The following SFMBT2 variants were observed in gnomAD, a reference collection of about 807,000 sequenced individuals.
SFMBT2 encodes the protein scm-like with four MBT domains protein 2.
A neutral mutation model predicts 110.1 loss-of-function variants in SFMBT2; 38 were observed. The observed-to-expected ratio is 0.35, with a 90% CI of 0.27 to 0.45. The LOEUF (loss-of-function observed/expected upper bound fraction) is 0.45. Ranked by LOEUF, SFMBT2 falls within the 20% of genes least tolerant of loss-of-function variation. SFMBT2 has a pLI of 1.00. For synonymous variants in SFMBT2, 425 were observed against 425.4 expected (o/e 1.00, Z 0.01); for missense variants, 1,011 against 1,094.9 (o/e 0.92, Z 1.08).
At chr10:7,340,245 C>T (rs1348703500) in intron 4 of SFMBT2, among the ~76,000 whole-genome samples, 3 of 151,908 alleles carry the variant, frequency 2.0e-5, no homozygotes, top group South Asian at 2.1e-4. Flanking sequence ...TCAGTGGAAG[C>T]GGATGATCGT....
At chr10:7,327,490 G>GT (rs1564442186) in intron 4 of SFMBT2, among the ~76,000 whole-genome samples, 4 of 152,104 alleles carry the variant, frequency 2.6e-5, no homozygotes, top group Admixed American at 6.5e-5. Context: ...AGGCCAGCCT[G>GT]GCCAACATGG....
At chr10:7,402,856 T>C (rs1846115669) in intron 1 of SFMBT2, among the ~76,000 whole-genome samples, 1 of 152,226 alleles carries the variant, frequency 6.6e-6, no homozygotes, top group African/African-American at 2.4e-5. Context: ...AATGTCCTCA[T>C]CAGTGGCCAA....
chr10:7,356,050 C>A (rs529975313), intron 4 of SFMBT2, among the ~76,000 whole-genome samples: 1 of 152,300 alleles, frequency 6.6e-6, no homozygotes, highest in African/African-American at 2.4e-5. Context: ...GGACACAGGT[C>A]TTTTTTCCCA....
chr10:7,230,675 A>G (rs1840090568), intron 9 of SFMBT2, among the ~76,000 whole-genome samples: 1 of 152,200 alleles, frequency 6.6e-6, no homozygotes, highest in Non-Finnish European at 1.5e-5. Flanking sequence ...GCTCACACCC[A>G]TAATCCCAGC....
chr10:7,274,855 C>CAA (rs958558618), intron 7 of SFMBT2, among the ~76,000 whole-genome samples: 11 of 140,968 alleles, frequency 7.8e-5, no homozygotes, highest in Admixed American at 5.0e-4. Context: ...ACCGTTTCTC[C>CAA]AAAAAAAAAA....
At chr10:7,220,826 C>CTTTT (rs372894766) in intron 10 of SFMBT2, among the ~76,000 whole-genome samples, 1 of 146,280 alleles carries the variant, frequency 6.8e-6, no homozygotes, top group East Asian at 2.0e-4. Context: ...ACCCTTCCTT[C>CTTTT]TTTTTTTTTT....
chr10:7,174,984 A>C (rs1838006583), intron 17 of SFMBT2, among the ~76,000 whole-genome samples: 1 of 152,178 alleles, frequency 6.6e-6, no homozygotes. Flanking sequence ...AAACACACTG[A>C]GAGATAATAA....
chr10:7,233,009 TAGG>T (rs943545486), intron 9 of SFMBT2, among the ~76,000 whole-genome samples: 2 of 152,082 alleles, frequency 1.3e-5, no homozygotes, highest in Admixed American at 1.3e-4. Flanking sequence ...TTAAGATGGG[TAGG>T]AGAAGGGTTT....
intron 11 of SFMBT2, chr10:7,214,729 C>G: frequency 1.0e-6 from 1 of 985,484 alleles, no homozygotes. Context: ...CTGTCCAAAG[C>G]TGTGCACAGC....
Position 7,285,660 on chromosome 10 carries a change from T to C in SFMBT2, c.525+206A>G, listed in dbSNP as rs983350768. ...ATAGAGCAAATTTTCCATTTGCTGA[T>C]TGCATCACAGGGGAAGTTTCATCAA... On this transcript the variant is annotated intron_variant, in intron 5 of 20. Transcript: ENST00000397167. 9.3e-5 allele frequency: 49 copies of C among 526,710 alleles called. No individual in the cohort carries two copies. In the Middle Eastern group the frequency reaches 2.1e-3, roughly 23 times the overall value. The allele number at this position is 526,710 out of a possible 1,614,324, so 32.6% of individuals were successfully genotyped here.
At chr10:7,382,262 G>A (rs1448092440) in intron 1 of SFMBT2, among the ~76,000 whole-genome samples, 1 of 152,054 alleles carries the variant, frequency 6.6e-6, no homozygotes, top group East Asian at 1.9e-4. Context: ...ATACAAAAGT[G>A]AGTCAGGAGT....
At chr10:7,274,722 G>T (rs1841712625) in intron 7 of SFMBT2, among the ~76,000 whole-genome samples, 1 of 152,088 alleles carries the variant, frequency 6.6e-6, no homozygotes, top group African/African-American at 2.4e-5. Flanking sequence ...AGGTGTGCTG[G>T]TGCATGCCTG....
At chr10:7,319,552 T>C (rs186400691) in intron 4 of SFMBT2, among the ~76,000 whole-genome samples, 8 of 152,334 alleles carry the variant, frequency 5.3e-5, no homozygotes, top group Admixed American at 4.6e-4. Flanking sequence ...TCAGTTATGG[T>C]ATATCAGGAA....
intron 4 of SFMBT2, chr10:7,329,513 GTGC>G (rs1051330893): frequency 1.4e-5 from 14 of 985,256 alleles, no homozygotes; most frequent in Non-Finnish European, 1.7e-5. Flanking sequence ...GAGAGAGGAG[GTGC>G]TGCTGCTGCT....
At chr10:7,235,870 C>T (rs1005576831) in intron 9 of SFMBT2, among the ~76,000 whole-genome samples, 1 of 152,186 alleles carries the variant, frequency 6.6e-6, no homozygotes, top group South Asian at 2.1e-4. Context: ...ATGTACATTA[C>T]CAAAACTATC....
At chr10:7,168,392 T>A (rs1350605099) in intron 20 of SFMBT2, among the ~76,000 whole-genome samples, 1 of 152,226 alleles carries the variant, frequency 6.6e-6, no homozygotes, top group East Asian at 1.9e-4. Context: ...AATTTTTTTT[T>A]ATTGTGAAAA....
intron 7 of SFMBT2, among the ~76,000 whole-genome samples, chr10:7,273,369 C>T (rs1292344182): frequency 1.3e-5 from 2 of 152,242 alleles, no homozygotes; most frequent in Non-Finnish European, 2.9e-5. Context: ...AAGATGAGAA[C>T]ATTCATTCCA....
At chr10:7,300,723 TG>T (rs929119823) in intron 4 of SFMBT2, among the ~76,000 whole-genome samples, 1 of 152,256 alleles carries the variant, frequency 6.6e-6, no homozygotes, top group African/African-American at 2.4e-5. Flanking sequence ...TCTCTGGCAC[TG>T]AGCAGAAATC....
intron 4 of SFMBT2, among the ~76,000 whole-genome samples, chr10:7,344,854 G>A (rs1844054875): frequency 6.6e-6 from 1 of 151,348 alleles, no homozygotes; most frequent in Admixed American, 6.6e-5. Context: ...AGCTACTTGG[G>A]AGGCTGAGGC....
Sources: gnomAD v4.1 joint callset for allele counts (sites outside exome capture counted in the v4.1 genomes callset) on GRCh38, gnomAD v4.1.1 for gene constraint, MANE v1.5 for transcripts, NCBI Gene and HGNC (gene_info 2026-07-23, HGNC 2026-07-21) for gene names.